The following SEPTIN10 variants were observed in gnomAD, a reference collection of about 807,000 sequenced individuals.
SEPTIN10 encodes the protein septin-10.
A neutral mutation model predicts 54.8 loss-of-function variants in SEPTIN10; 66 were observed. That is an observed-to-expected ratio of 1.21 (90% CI 0.99 to 1.48). SEPTIN10 has a LOEUF of 1.48. SEPTIN10 is among the 40% of genes most tolerant of loss of function. The probability of loss-of-function intolerance (pLI) is 0.00; values close to 1 mark genes in which losing one functional copy is unlikely to be tolerated. For synonymous variants in SEPTIN10, 161 were observed against 181.0 expected, an observed-to-expected ratio of 0.89 and a Z score of 0.89; for missense variants, 620 against 545.6, an observed-to-expected ratio of 1.14 and a Z score of -1.36.
intron 10 of SEPTIN10, chr2:109,545,406 A>T (rs1412687159): frequency 4.6e-6 from 7 of 1,535,624 alleles, no homozygotes. Context: ...ACGCCTTGCG[A>T]TTATCATCCA....
At chr2:109,582,503 G>A (rs1261209991) in intron 4 of SEPTIN10, among the ~76,000 whole-genome samples, 1 of 151,954 alleles carries the variant, frequency 6.6e-6, no homozygotes, top group Admixed American at 6.6e-5. Context: ...AAAATTTTTT[G>A]TAGAGACGAG....
At chr2:109,602,049 CAG>C in intron 1 of SEPTIN10, among the ~76,000 whole-genome samples, 1 of 152,280 alleles carries the variant, frequency 6.6e-6, no homozygotes, top group East Asian at 1.9e-4. Context: ...AGTTGTCTAA[CAG>C]AGAAATGAGC....
At chr2:109,589,023 C>T (rs977973503) in intron 2 of SEPTIN10, among the ~76,000 whole-genome samples, 6 of 151,766 alleles carry the variant, frequency 4.0e-5, no homozygotes, top group Admixed American at 6.6e-5. Flanking sequence ...GTCCACCTCC[C>T]GAGTTTAAGT....
intron 2 of SEPTIN10, among the ~76,000 whole-genome samples, chr2:109,590,922 T>C (rs1693919650): frequency 6.6e-6 from 1 of 152,120 alleles, no homozygotes. Flanking sequence ...AGCCTCCAGA[T>C]AAGAACCCAG....
In SEPTIN10 at chr2:109,585,719, A is replaced by T. The variant is rs1302800152; in HGVS notation, c.217+2T>A. On this transcript the variant is annotated splice_donor_variant, in intron 3 of 10. Coordinates refer to ENST00000397712, the MANE Select transcript of SEPTIN10 (RefSeq NM_144710.5). LOFTEE classifies it high-confidence loss of function. Reference sequence around the variant, plus strand: ...CTTAGAGGAAGAGTAGGTGGCACGTACCCACACAGAGAATATTAAAGCAGA... The same window carrying T: ...CTTAGAGGAAGAGTAGGTGGCACGTTCCCACACAGAGAATATTAAAGCAGA... The T allele has an allele frequency of 2.5e-6, 4 of 1,598,980 alleles. No homozygotes were observed. The highest frequency in any genetic ancestry group is 3.4e-6 in the Non-Finnish European group (4 of 1,167,558).
intron 5 of SEPTIN10, among the ~76,000 whole-genome samples, chr2:109,569,525 T>C (rs1687876097): frequency 6.6e-6 from 1 of 151,988 alleles, no homozygotes; most frequent in Non-Finnish European, 1.5e-5. Flanking sequence ...CAAGTATATA[T>C]CTGAATTTAT....
At chr2:109,546,294 C>T in intron 9 of SEPTIN10, 57 bp from the exon 10 acceptor site, 1 of 1,218,748 alleles carries the variant, frequency 8.2e-7, no homozygotes, top group Non-Finnish European at 1.1e-6. Flanking sequence ...GAGGCACGCT[C>T]TCCAGCTCAG....
At chr2:109,589,165 TGG>T in intron 2 of SEPTIN10, among the ~76,000 whole-genome samples, 1 of 152,024 alleles carries the variant, frequency 6.6e-6, no homozygotes, top group Non-Finnish European at 1.5e-5. Context: ...TTTTTTGAGA[TGG>T]AGTCTCACTC....
chr2:109,579,989 C>T lies in SEPTIN10; in HGVS notation c.413+5137G>A, dbSNP rs1318489089. Among the ~76,000 whole-genome samples the T allele has an allele frequency of 3.3e-5, 5 of 151,658 alleles. No homozygotes were observed. In the South Asian group the frequency reaches 8.3e-4, roughly 25 times the overall value. On this transcript the variant is annotated intron_variant, in intron 4 of 10. Transcript: ENST00000397712. ...TACAAAAATTAGCTGGGCGTGGTGG[C>T]AGGCGCCTGTAATCCCAGCTACTCG...
intron 4 of SEPTIN10, 108 bp from the exon 5 acceptor site, chr2:109,574,875 T>A: frequency 1.4e-6 from 1 of 696,818 alleles, no homozygotes; most frequent in Non-Finnish European, 2.2e-6. Flanking sequence ...AATAAACAGT[T>A]AATATCTATG....
intron 1 of SEPTIN10, among the ~76,000 whole-genome samples, chr2:109,593,559 C>CCATGCCTG: frequency 6.6e-6 from 1 of 152,170 alleles, no homozygotes; most frequent in Non-Finnish European, 1.5e-5. Context: ...GTGCACGCCA[C>CCATGCCTG]CATGCCTGGC....
intron 4 of SEPTIN10, among the ~76,000 whole-genome samples, chr2:109,578,245 G>T (rs1203727698): frequency 1.3e-5 from 2 of 152,136 alleles, no homozygotes; most frequent in African/African-American, 2.4e-5. Flanking sequence ...GGTAACCATT[G>T]TCAGATTGTG....
At chr2:109,568,327 T>C (rs1687560941) in intron 5 of SEPTIN10, among the ~76,000 whole-genome samples, 1 of 151,612 alleles carries the variant, frequency 6.6e-6, no homozygotes, top group Admixed American at 6.6e-5. Context: ...CTCCTGTATA[T>C]ATACACCCCT....
intron 5 of SEPTIN10, among the ~76,000 whole-genome samples, chr2:109,573,464 T>C (rs930510126): frequency 6.6e-6 from 1 of 152,182 alleles, no homozygotes; most frequent in African/African-American, 2.4e-5. Context: ...TCTGATCACA[T>C]GTGATCAGGT....
chr2:109,585,859 A>T (rs1692408161), intron 2 of SEPTIN10, 21 bp from the exon 3 acceptor site: 1 of 1,586,902 alleles, frequency 6.3e-7, no homozygotes, highest in African/African-American at 1.3e-5. Context: ...ATAAAAACAA[A>T]AACAACAGCA....
At chr2:109,559,432 C>T (rs549809754) in intron 8 of SEPTIN10, among the ~76,000 whole-genome samples, 1 of 152,122 alleles carries the variant, frequency 6.6e-6, no homozygotes, top group Non-Finnish European at 1.5e-5. Context: ...TTCTTCCAGC[C>T]ACTGCTCCCA....
intron 6 of SEPTIN10, among the ~76,000 whole-genome samples, chr2:109,567,463 C>T (rs28374561): frequency 0.018 from 2,720 of 152,154 alleles, 74 homozygotes; most frequent in African/African-American, 0.061. Context: ...TTACAGCATG[C>T]AAAGGGAGGC....
intron 8 of SEPTIN10, among the ~76,000 whole-genome samples, chr2:109,557,467 G>A (rs1173114702): frequency 6.6e-6 from 1 of 152,148 alleles, no homozygotes; most frequent in Non-Finnish European, 1.5e-5. Context: ...AAACATAGCT[G>A]AAAAGTAAAA....
At chr2:109,557,326 G>A (rs1372753284) in intron 8 of SEPTIN10, among the ~76,000 whole-genome samples, 1 of 152,170 alleles carries the variant, frequency 6.6e-6, no homozygotes, top group Non-Finnish European at 1.5e-5. Flanking sequence ...CATTTGTTGA[G>A]TATCTGCTAC....
Sources: allele counts gnomAD v4.1 joint callset (sites outside exome capture counted in the v4.1 genomes callset), GRCh38; gene constraint gnomAD v4.1.1; transcripts MANE v1.5; gene names NCBI Gene and HGNC (gene_info 2026-07-23, HGNC 2026-07-21).